PTP4A1: variants seen among roughly 807,000 people sequenced by gnomAD.
The protein encoded by PTP4A1 is protein tyrosine phosphatase type IVA 1.
PTP4A1 carries 9 observed loss-of-function variants against 20.5 expected under a neutral mutation model. That is an observed-to-expected ratio of 0.44 (90% CI 0.26 to 0.77). The LOEUF (loss-of-function observed/expected upper bound fraction) is 0.77. Ranked by LOEUF, PTP4A1 falls within the 30% of genes least tolerant of loss-of-function variation. PTP4A1 has a pLI of 0.19. For synonymous variants in PTP4A1, 78 were observed against 67.4 expected (o/e 1.16, Z -0.77); for missense variants, 137 against 218.8 (o/e 0.63, Z 2.36).
intron 5 of PTP4A1, 99 bp downstream of exon 5, chr6:63,579,430 A>C (rs151233827): frequency 6.0e-6 from 5 of 830,762 alleles, no homozygotes; most frequent in Middle Eastern, 3.1e-4. Context: ...CATTATGATT[A>C]TTTTTTGAGA....
intron 2 of PTP4A1, among the ~76,000 whole-genome samples, chr6:63,546,444 G>C (rs1049150768): frequency 6.6e-6 from 1 of 152,210 alleles, no homozygotes; most frequent in Non-Finnish European, 1.5e-5. Context: ...GGTGGCTCAC[G>C]CATGTAATCC....
At chr6:63,557,848 G>A (rs1301813978) in intron 3 of PTP4A1, among the ~76,000 whole-genome samples, 2 of 151,982 alleles carry the variant, frequency 1.3e-5, no homozygotes, top group African/African-American at 4.8e-5. Flanking sequence ...TGAGAAAGAG[G>A]ATAGCAAGAT....
Position 63,580,240 on chromosome 6 carries a change from G to A in PTP4A1, c.*66G>A. On this transcript the variant is annotated 3_prime_UTR_variant, in exon 6 of 6. Transcript: ENST00000626021. ...AGGGCCTAATTTGTTATACATATTA[G>A]CCAACATGTTGGCTTAGTAAGTCTA... 1 of 1,281,488 alleles carries A rather than the reference G, an allele frequency of 7.8e-7. No homozygotes were observed. The allele number at this position is 1,281,488 out of a possible 1,614,324, so 79.4% of individuals were successfully genotyped here.
At chr6:63,563,960 T>C (rs1180513196) in intron 3 of PTP4A1, among the ~76,000 whole-genome samples, 1 of 152,204 alleles carries the variant, frequency 6.6e-6, no homozygotes, top group Non-Finnish European at 1.5e-5. Flanking sequence ...CATTAATATG[T>C]CTGAGGATTA....
At chr6:63,572,178 T>C (rs1777467209), upstream of PTP4A1, 1 of 153,890 alleles carries the variant, frequency 6.5e-6, no homozygotes. Flanking sequence ...TGCAGCATGA[T>C]TCCTTCCAGT....
At chr6:63,548,902 C>A in intron 2 of PTP4A1, 2 of 882,994 alleles carry the variant, frequency 2.3e-6, no homozygotes, top group South Asian at 2.6e-5. Context: ...TGTATGAAGG[C>A]GACAGTGGTG....
At chr6:63,552,292 A>T (rs1434062956) in intron 3 of PTP4A1, among the ~76,000 whole-genome samples, 2 of 152,174 alleles carry the variant, frequency 1.3e-5, no homozygotes, top group Non-Finnish European at 2.9e-5. Flanking sequence ...AGTGATGGTG[A>T]GCATTTTTTC....
intron 3 of PTP4A1, among the ~76,000 whole-genome samples, chr6:63,550,813 C>T (rs1421906131): frequency 6.6e-6 from 1 of 152,092 alleles, no homozygotes; most frequent in African/African-American, 2.4e-5. Context: ...TTAGTAAAGA[C>T]AGGGATTTCA....
chr6:63,554,567 G>A (rs1385547948), intron 3 of PTP4A1, among the ~76,000 whole-genome samples: 1 of 152,206 alleles, frequency 6.6e-6, no homozygotes, highest in Non-Finnish European at 1.5e-5. Context: ...GGAGGCCAAG[G>A]TGGGTAGATC....
exon 2 of PTP4A1, chr6:63,528,019 C>G (rs1775261331): frequency 6.6e-6 from 1 of 152,186 alleles, no homozygotes; most frequent in South Asian, 2.1e-4. Context: ...CTTGGAGGCT[C>G]TACATCTACC....
intron 1 of PTP4A1, among the ~76,000 whole-genome samples, chr6:63,525,038 T>G (rs1775099289): frequency 6.6e-6 from 1 of 152,210 alleles, no homozygotes; most frequent in Non-Finnish European, 1.5e-5. Flanking sequence ...ATTCAGGGAT[T>G]TAGCTTAGAC....
chr6:63,568,695 G>A (rs1009802571), upstream of PTP4A1, among the ~76,000 whole-genome samples: 2 of 151,406 alleles, frequency 1.3e-5, no homozygotes, highest in African/African-American at 2.4e-5. Flanking sequence ...CACAATAAAT[G>A]AAGGTATGCC....
intron 2 of PTP4A1, among the ~76,000 whole-genome samples, chr6:63,530,988 T>C (rs1253468419): frequency 1.3e-5 from 2 of 152,318 alleles, no homozygotes; most frequent in Admixed American, 6.5e-5. Context: ...TAACCTAGCT[T>C]TATAATTTCA....
intron 3 of PTP4A1, among the ~76,000 whole-genome samples, chr6:63,556,521 G>C (rs186755141): frequency 6.6e-6 from 1 of 152,076 alleles, no homozygotes; most frequent in African/African-American, 2.4e-5. Context: ...AATTGCCCTA[G>C]GTGTGCCTTG....
intron 2 of PTP4A1, among the ~76,000 whole-genome samples, chr6:63,535,182 T>C (rs892626881): frequency 3.3e-5 from 5 of 151,810 alleles, no homozygotes; most frequent in African/African-American, 1.2e-4. Flanking sequence ...AACACAGTAA[T>C]AGGACAGGCA....
chr6:63,548,470 C>T (rs1474829078), intron 2 of PTP4A1, among the ~76,000 whole-genome samples: 2 of 152,168 alleles, frequency 1.3e-5, no homozygotes, highest in Non-Finnish European at 2.9e-5. Context: ...TACATAGGTG[C>T]TCTCAGTTTT....
intron 1 of PTP4A1, 113 bp from the exon 2 acceptor site, chr6:63,576,323 C>G: frequency 2.6e-6 from 1 of 391,748 alleles, no homozygotes; most frequent in Non-Finnish European, 4.5e-6. Context: ...TGAAGCGGCT[C>G]AGGCCCTGCT....
rs536152936 is a variant in PTP4A1, at chr6:63,537,130, A to G, written c.-640+9046A>G. On this transcript the variant is annotated intron_variant, in intron 2 of 3. Transcript: ENST00000639568. ...CCATGGATTCATGATGATAAAGTGAATGAATTAGAATAATGTTCTTAACCA... is the reference window on the plus strand; with the variant it reads ...CCATGGATTCATGATGATAAAGTGAGTGAATTAGAATAATGTTCTTAACCA... Among the ~76,000 whole-genome samples, 49 of 152,324 alleles carry G rather than the reference A, an allele frequency of 3.2e-4. No homozygotes were observed. The South Asian group carries it at 5.6e-3, about 17-fold the overall frequency.
upstream of PTP4A1, among the ~76,000 whole-genome samples, chr6:63,520,343 T>C (rs558366858): frequency 6.6e-6 from 1 of 152,182 alleles, no homozygotes; most frequent in East Asian, 1.9e-4. Context: ...AAAATGAAAA[T>C]AGACTGGGTG....
Sources: allele counts gnomAD v4.1 joint callset (sites outside exome capture counted in the v4.1 genomes callset), GRCh38; gene constraint gnomAD v4.1.1; transcripts MANE v1.5; gene names NCBI Gene and HGNC (gene_info 2026-07-23, HGNC 2026-07-21).